Variants in DOCK11 observed in about 807,000 individuals in gnomAD.
The protein encoded by DOCK11 is dedicator of cytokinesis 11.
A neutral mutation model predicts 169.1 loss-of-function variants in DOCK11; 70 were observed. That is an observed-to-expected ratio of 0.41 (90% CI 0.34 to 0.51). The LOEUF is 0.51. DOCK11 is among the 20% of genes least tolerant of loss of function. DOCK11 has a pLI of 0.10. For missense variants in DOCK11, 1,166 were observed against 1,538.8 expected, an observed-to-expected ratio of 0.76 and a Z score of 4.05; for synonymous variants, 529 against 541.3, an observed-to-expected ratio of 0.98 and a Z score of 0.32.
At chrX:118,541,872 A>G (rs1401199882) in intron 1 of DOCK11, among the ~76,000 whole-genome samples, 1 of 111,656 alleles carries the variant, frequency 9.0e-6, no homozygotes, top group African/African-American at 3.3e-5. Context: ...GCAGGGATCC[A>G]CTGACTTTGT....
chrX:118,566,690 A>T (rs749798717), intron 9 of DOCK11, 37 bp downstream of exon 9: 11 of 1,102,805 alleles, frequency 1.0e-5, no homozygotes, highest in Non-Finnish European at 1.2e-5. Flanking sequence ...TTCAACTGAG[A>T]TAATGCAGGA....
At chrX:118,639,610 A>G in intron 38 of DOCK11, 33 bp downstream of exon 38, 1 of 1,172,794 alleles carries the variant, frequency 8.5e-7, no homozygotes, top group East Asian at 3.0e-5. Flanking sequence ...TACCCATTTG[A>G]CCTTAAAGAA....
intron 28 of DOCK11, among the ~76,000 whole-genome samples, chrX:118,614,250 G>T (rs1302848279): frequency 2.7e-5 from 3 of 111,418 alleles, no homozygotes; most frequent in African/African-American, 9.8e-5. Context: ...ATTTACATAG[G>T]CAAGCCTCAC....
chrX:118,624,985 C>T (rs2015066410), intron 32 of DOCK11, among the ~76,000 whole-genome samples: 1 of 109,045 alleles, frequency 9.2e-6, no homozygotes, highest in Non-Finnish European at 1.9e-5. Flanking sequence ...ATCTCAAACT[C>T]CTGAGCTCAA....
At chrX:118,538,981 A>G (rs1889258366) in intron 1 of DOCK11, among the ~76,000 whole-genome samples, 1 of 111,652 alleles carries the variant, frequency 9.0e-6, no homozygotes, top group South Asian at 3.7e-4. Flanking sequence ...TTATAACTGA[A>G]TCCTACTAGA....
chrX:118,594,080 G>C (rs775916061), intron 20 of DOCK11, among the ~76,000 whole-genome samples: 20 of 111,689 alleles, frequency 1.8e-4, no homozygotes, highest in Admixed American at 5.7e-4. Context: ...TGAGCCAGAG[G>C]GAGGTTGGGG....
intron 52 of DOCK11, among the ~76,000 whole-genome samples, chrX:118,684,515 C>T (rs969261327): frequency 9.2e-6 from 1 of 108,650 alleles, no homozygotes; most frequent in Non-Finnish European, 1.9e-5. Context: ...ACCTCGTAAT[C>T]CACCCGCCTC....
At chrX:118,614,817 G>C (rs41300207) in intron 29 of DOCK11, 42 bp downstream of exon 29, 27,904 of 928,713 alleles carry the variant, frequency 0.03, 348 homozygotes, top group Non-Finnish European at 0.035. Flanking sequence ...TCAGACATCT[G>C]AGCATAAGAC....
rs995644166 is a variant in DOCK11 at position 118,594,532 on chromosome X, C to A, written c.2263+1195C>A. Among the ~76,000 whole-genome samples the A allele has an allele frequency of 3.6e-5, 4 of 111,936 alleles. No individual in the cohort carries two copies. In the Admixed American group the frequency reaches 3.8e-4, roughly 11 times the overall value. ...AAAAAATCAGAAATTTGAAACACTTCTGTTCCTAAAAATTTCAGATAAGGG... is the reference window on the plus strand; with the variant it reads ...AAAAAATCAGAAATTTGAAACACTTATGTTCCTAAAAATTTCAGATAAGGG... On this transcript the variant is annotated intron_variant, in intron 20 of 52. Coordinates refer to ENST00000276202, the MANE Select transcript of DOCK11 (RefSeq NM_144658.4).
intron 1 of DOCK11, among the ~76,000 whole-genome samples, chrX:118,514,691 C>G (rs1160651817): frequency 8.9e-6 from 1 of 112,083 alleles, no homozygotes; most frequent in Non-Finnish European, 1.9e-5. Context: ...AAACACATTT[C>G]TATAGTTTCT....
rs2012902382 is a variant in DOCK11 at position 118,561,338 on chromosome X, A to G, written c.559-45A>G. 8 of 1,094,665 alleles carry G rather than the reference A, an allele frequency of 7.3e-6. No homozygotes were observed. The East Asian group carries it at 2.3e-4, about 32-fold the overall frequency. 90.2% of individuals were successfully genotyped at this position (1,094,665 alleles called of 1,213,427 possible). On this transcript the variant is annotated intron_variant, in intron 6 of 52. Coordinates refer to ENST00000276202, the MANE Select transcript of DOCK11 (RefSeq NM_144658.4). ...AGTTCAGAGAAACTATTCAAATGCA[A>G]TGTATATGTAACAAATGTATCATTG...
intron 30 of DOCK11, chrX:118,616,307 C>A: frequency 1.4e-6 from 1 of 739,452 alleles, no homozygotes; most frequent in Non-Finnish European, 1.8e-6. Flanking sequence ...TGATGAATTG[C>A]TAAGATGGAT....
rs2012259608 is a variant in DOCK11 at position 118,546,001 on chromosome X, T to G, written c.463-20T>G. 8.8e-7 allele frequency: 1 copy of G among 1,134,410 alleles called. No individual in the cohort carries two copies. The highest frequency in any genetic ancestry group is 1.8e-5 in the African/African-American group (1 of 55,201). 93.5% of individuals were successfully genotyped at this position (1,134,410 alleles called of 1,213,427 possible). On this transcript the variant is annotated intron_variant, in intron 5 of 52. Coordinates refer to ENST00000276202, the MANE Select transcript of DOCK11 (RefSeq NM_144658.4). Reference sequence around the variant, plus strand: ...GGCAGGCTGGCTGTTGTTTTACTGATAATTTTTGTTCTATTTCAGGACTCA... The same window carrying G: ...GGCAGGCTGGCTGTTGTTTTACTGAGAATTTTTGTTCTATTTCAGGACTCA...
At chrX:118,609,824 TA>T (rs2014635927) in intron 27 of DOCK11, among the ~76,000 whole-genome samples, 1 of 112,701 alleles carries the variant, frequency 8.9e-6, no homozygotes, top group Admixed American at 9.4e-5. Context: ...TTGAAAGGTA[TA>T]AAAATATTTT....
chrX:118,588,397 T>C lies in DOCK11; in HGVS notation c.1981-16T>C. On this transcript the variant is annotated splice_polypyrimidine_tract_variant and intron_variant, in intron 17 of 52. Transcript: ENST00000276202. ...TGCTAATTGTGTGACTCATTTTGAC[T>C]GATTAATCATTTTAGGCAAGGAACA... 5 of 1,177,480 alleles carry C rather than the reference T, an allele frequency of 4.2e-6. No homozygotes were observed. The highest frequency in any genetic ancestry group is 5.7e-6 in the Non-Finnish European group (5 of 879,509).
At chrX:118,626,083 T>G (rs1384754970) in intron 32 of DOCK11, among the ~76,000 whole-genome samples, 1 of 105,649 alleles carries the variant, frequency 9.5e-6, no homozygotes, top group Non-Finnish European at 1.9e-5. Context: ...TTTTTTTTTT[T>G]GAGACAGAGT....
Position 118,682,965 on chromosome X carries a change from G to A in DOCK11, c.5964-114G>A, listed in dbSNP as rs1272458507. On this transcript the variant is annotated intron_variant, in intron 51 of 52. Transcript: ENST00000276202. ...ATAAATGCACAGTGAGAAAATAGAG[G>A]ATTCTGATCTTCTTCCTAGGCAAGC... is the stretch of plus-strand genomic sequence containing the variant. The A allele has an allele frequency of 4.4e-6, 3 of 682,851 alleles. No individual in the cohort carries two copies. The Admixed American group carries it at 9.9e-5, about 23-fold the overall frequency. 56.3% of individuals were successfully genotyped at this position (682,851 alleles called of 1,213,427 possible). A position where few individuals can be genotyped will look rare whatever the true frequency, so the allele number is the denominator to read the frequency against.
intron 1 of DOCK11, among the ~76,000 whole-genome samples, chrX:118,535,323 C>T (rs1373199477): frequency 2.7e-5 from 3 of 111,771 alleles, no homozygotes. Flanking sequence ...CCTCAATTTC[C>T]TCATCTGTAA....
At chrX:118,547,005 AT>A (rs202047761) in intron 6 of DOCK11, among the ~76,000 whole-genome samples, 9,468 of 101,984 alleles carry the variant, frequency 0.093, 825 homozygotes, top group African/African-American at 0.25. Context: ...TAAATAGATA[AT>A]TTTTTTTTTT....
Sources: allele counts gnomAD v4.1 joint callset (sites outside exome capture counted in the v4.1 genomes callset), GRCh38; gene constraint gnomAD v4.1.1; transcripts MANE v1.5; gene names NCBI Gene and HGNC (gene_info 2026-07-23, HGNC 2026-07-21).